The following ELOA variants were observed in gnomAD, a reference collection of about 807,000 sequenced individuals.
The protein encoded by ELOA is elongin A, also known as elongin-A.
ELOA carries 15 observed loss-of-function variants against 85.2 expected under a neutral mutation model. The ratio of observed to expected loss-of-function variants is 0.18; its 90% CI spans 0.12 to 0.27. ELOA has a LOEUF of 0.27. Ranked by LOEUF, ELOA falls within the 10% of genes least tolerant of loss-of-function variation. ELOA has a pLI of 1.00. For synonymous variants in ELOA, 348 were observed against 357.2 expected, an observed-to-expected ratio of 0.97 and a Z score of 0.29; for missense variants, 769 against 952.7, an observed-to-expected ratio of 0.81 and a Z score of 2.54.
chr1:23,752,445 A>G lies in ELOA; in HGVS notation c.1464A>G (p.Leu488=), dbSNP rs763309299. The G allele has an allele frequency of 1.9e-6, 3 of 1,613,960 alleles. No individual in the cohort carries two copies. The Admixed American group carries it at 5.0e-5, about 27-fold the overall frequency. ...TGCCAGTGTTGCCAGACCTCCCGTT[A>G]CCCGCGATACAGGCCAATTACCGTC... is the stretch of plus-strand genomic sequence containing the variant. The part of the protein sequence containing the change: ...DVLPVLPDLP[L]PAIQANYRPL... The change falls in exon 5 of 11, where the codon TTA becomes TTG. Residue 488 remains leucine, a synonymous_variant. Transcript: ENST00000613537.
At position 23,749,941 on chromosome 1, in the gene ELOA, G is replaced by A; in HGVS notation, c.232G>A (p.Val78Met). Residue 78 changes from valine (V) to methionine (M), a missense_variant, in exon 3 of 11, where the codon GTG (valine) becomes ATG (methionine). Coordinates refer to ENST00000613537, the MANE Select transcript of ELOA (RefSeq NM_003198.3). ...GGCCCAGTGGAAGAAGCTGGTTCCT[G>A]TGGAACGGTAAGAACATTTCTCTTT... ...LVAQWKKLVP[V>M]ERNAEPDEQD... 6.2e-7 allele frequency: 1 copy of A among 1,613,408 alleles called. No homozygotes were observed.
intron 1 of ELOA, among the ~76,000 whole-genome samples, chr1:23,748,075 T>C (rs1644754280): frequency 1.3e-5 from 2 of 152,196 alleles, no homozygotes; most frequent in African/African-American, 4.8e-5. Context: ...AAGTAGGAAT[T>C]GGCTGAGGAA....
chr1:23,749,694 A>C, intron 2 of ELOA, 148 bp from the exon 3 acceptor site: 1 of 661,140 alleles, frequency 1.5e-6, no homozygotes, highest in Non-Finnish European at 2.5e-6. Context: ...GGGCATAGAC[A>C]CAAAGTAATT....
intron 1 of ELOA, 33 bp downstream of exon 1, chr1:23,743,611 C>T: frequency 6.8e-7 from 1 of 1,463,920 alleles, no homozygotes; most frequent in East Asian, 3.0e-5. Flanking sequence ...GCGGGATGGG[C>T]GTTGGGTCGG....
In ELOA at chr1:23,751,376, C is replaced by G. The variant is rs937017336; in HGVS notation, c.771C>G (p.Ala257=). 6.2e-7 allele frequency: 1 copy of G among 1,614,040 alleles called. No individual in the cohort carries two copies. Among genetic ancestry groups the G allele is most frequent in the Non-Finnish European group, 8.5e-7 (1 of 1,180,050 alleles). The change falls in exon 4 of 11, where the codon GCC becomes GCG. Residue 257 remains alanine (A), a synonymous_variant. Transcript: ENST00000613537. ...ACAAGGACAAACGCCCCGTGGATGCCAAGAGTGATGAGAAGGCCTCTGTGG... is the reference window on the plus strand; with the variant it reads ...ACAAGGACAAACGCCCCGTGGATGCGAAGAGTGATGAGAAGGCCTCTGTGG... ...SSHKDKRPVD[A]KSDEKASVVS...
chr1:23,759,626 G>C lies in ELOA; in HGVS notation c.*53G>C, dbSNP rs1280784760. Reference sequence around the variant, plus strand: ...CTGGGGAGGCAGGAATACAAGGACAGTGGGGGTTGGGGAATGGAATTCTAC... The same window carrying C: ...CTGGGGAGGCAGGAATACAAGGACACTGGGGGTTGGGGAATGGAATTCTAC... On this transcript the variant is annotated 3_prime_UTR_variant, in exon 11 of 11. Coordinates refer to ENST00000613537, the MANE Select transcript of ELOA (RefSeq NM_003198.3). 1.9e-6 allele frequency: 3 copies of C among 1,592,018 alleles called. No homozygotes were observed. The highest frequency in any genetic ancestry group is 2.6e-6 in the Non-Finnish European group (3 of 1,159,960).
At chr1:23,758,960 A>G (rs1348607356) in intron 10 of ELOA, among the ~76,000 whole-genome samples, 1 of 152,176 alleles carries the variant, frequency 6.6e-6, no homozygotes, top group Non-Finnish European at 1.5e-5. Flanking sequence ...TAATCCCAGC[A>G]CTTTGGGAGG....
At chr1:23,754,561 T>A in intron 7 of ELOA, 101 bp downstream of exon 7, 1 of 912,756 alleles carries the variant, frequency 1.1e-6, no homozygotes, top group South Asian at 1.4e-5. Flanking sequence ...GGCAGATCAG[T>A]GGTCAGAGCA....
intron 5 of ELOA, 53 bp from the exon 6 acceptor site, chr1:23,754,047 G>A: frequency 6.3e-7 from 1 of 1,595,814 alleles, no homozygotes; most frequent in Non-Finnish European, 8.5e-7. Flanking sequence ...GGGGGTAGAA[G>A]GAGAGTTTTC....
rs1638237389 is a variant in ELOA, at chr1:23,758,274, T to TTA, written c.2257+1150_2257+1151insAT. Among the ~76,000 whole-genome samples the TTA allele has an allele frequency of 3.9e-5, 4 of 102,770 alleles. No individual in the cohort carries two copies. In the South Asian group the frequency reaches 1.7e-3, roughly 43 times the overall value. The allele number at this position is 102,770 out of a possible 152,430, so 67.4% of individuals were successfully genotyped here. On this transcript the variant is annotated intron_variant, in intron 10 of 10. Coordinates refer to ENST00000613537, the MANE Select transcript of ELOA (RefSeq NM_003198.3). ...TTATTTATTTATTTTTTTTTTTTTT[T>TTA]TTTTTTTTTTTTTTTTGGAGACAGA...
chr1:23,750,124 A>G (rs900347500), intron 3 of ELOA, among the ~76,000 whole-genome samples, 176 bp downstream of exon 3: 5 of 143,986 alleles, frequency 3.5e-5, no homozygotes, highest in South Asian at 2.2e-4. Context: ...AAAATTTCCT[A>G]TTTCTATCAC....
chr1:23,758,023 A>G (rs560329006), intron 10 of ELOA, among the ~76,000 whole-genome samples: 9 of 151,874 alleles, frequency 5.9e-5, no homozygotes, highest in Non-Finnish European at 1.0e-4. Context: ...CCTGGATGAC[A>G]GAGTGAGACA....
At chr1:23,744,553 A>G (rs867373433) in intron 1 of ELOA, among the ~76,000 whole-genome samples, 7 of 151,038 alleles carry the variant, frequency 4.6e-5, no homozygotes, top group Non-Finnish European at 8.8e-5. Flanking sequence ...TCCCGGGTTC[A>G]GGCAATTGTC....
At chr1:23,758,722 A>T (rs528857730) in intron 10 of ELOA, among the ~76,000 whole-genome samples, 8 of 151,736 alleles carry the variant, frequency 5.3e-5, no homozygotes, top group African/African-American at 1.9e-4. Flanking sequence ...GGAGGGTGGG[A>T]GTCCTGGCTT....
At position 23,751,777 on chromosome 1, in the gene ELOA, T is replaced by C. The variant is rs2124460026; in HGVS notation, c.1172T>C (p.Val391Ala). ...DRKSLGSLPK[V>A]EETDMEDEFE... The stretch of plus-strand genomic sequence containing the variant: ...AAGTCACTGGGCTCCCTCCCTAAAG[T>C]TGAGGAGACAGATATGGAGGATGAA... The change falls in exon 4 of 11, where the codon GTT (valine) becomes GCT (alanine). Residue 391 changes from valine (V) to alanine (A), a missense_variant. Val to Ala is a moderately conservative substitution (Grantham distance 64, BLOSUM62 0). Transcript: ENST00000613537. 6.2e-7 allele frequency: 1 copy of C among 1,614,130 alleles called. No individual in the cohort carries two copies. Among genetic ancestry groups the C allele is most frequent in the East Asian group, 2.2e-5 (1 of 44,880 alleles).
intron 10 of ELOA, among the ~76,000 whole-genome samples, chr1:23,757,797 C>T (rs1173274545): frequency 6.7e-6 from 1 of 149,342 alleles, no homozygotes; most frequent in African/African-American, 2.5e-5. Context: ...TGTGCCCGGC[C>T]GACCCTGTCT....
rs1028040785 is a variant in ELOA, at chr1:23,761,736, C to T, written c.*2163C>T. On this transcript the variant is annotated 3_prime_UTR_variant, in exon 11 of 11. Coordinates refer to ENST00000613537, the MANE Select transcript of ELOA (RefSeq NM_003198.3). ...ACACAGGATGAATTTGAACCTGACA[C>T]AGGATGAATTTGAACCTTTGGTCTC... 1 of 152,040 alleles carries T rather than the reference C, an allele frequency of 6.6e-6. No individual in the cohort carries two copies. The highest frequency in any genetic ancestry group is 1.5e-5 in the Non-Finnish European group (1 of 67,896). 9.4% of individuals were successfully genotyped at this position (152,040 alleles called of 1,614,324 possible). A position where few individuals can be genotyped will look rare whatever the true frequency, so the allele number is the denominator to read the frequency against.
At chr1:23,748,940 G>T in intron 1 of ELOA, 81 bp from the exon 2 acceptor site, 1 of 1,099,854 alleles carries the variant, frequency 9.1e-7, no homozygotes, top group Non-Finnish European at 1.4e-6. Flanking sequence ...TACTGTAAAT[G>T]GTTAGCACTA....
chr1:23,757,236 T>C (rs1644798216), intron 10 of ELOA, 111 bp downstream of exon 10: 2 of 1,199,344 alleles, frequency 1.7e-6, no homozygotes, highest in Admixed American at 3.1e-5. Context: ...ATGTACATGA[T>C]GCCTTGCACA....
Sources: gnomAD v4.1 joint callset for allele counts (sites outside exome capture counted in the v4.1 genomes callset) on GRCh38, gnomAD v4.1.1 for gene constraint, MANE v1.5 for transcripts, NCBI Gene and HGNC (gene_info 2026-07-23, HGNC 2026-07-21) for gene names.